The following ZNRF3 variants were observed in gnomAD, a reference collection of about 807,000 sequenced individuals.
ZNRF3 encodes zinc and ring finger 3, also known as E3 ubiquitin-protein ligase ZNRF3.
ZNRF3 carries 23 observed loss-of-function variants against 72.5 expected under a neutral mutation model. The observed-to-expected ratio is 0.32, with a 90% CI of 0.23 to 0.45. The LOEUF (loss-of-function observed/expected upper bound fraction) is 0.45, where lower values mean the gene tolerates loss of function less well. Among genes scored for constraint, ZNRF3 ranks in the 20% least tolerant of loss-of-function variants. The pLI is 1.00. For missense variants in ZNRF3, 1,169 were observed against 1,272.1 expected (o/e 0.92, Z 1.23); for synonymous variants, 610 against 545.3 (o/e 1.12, Z -1.65).
At chr22:29,029,863 T>G (rs2123869643) in intron 2 of ZNRF3, among the ~76,000 whole-genome samples, 1 of 152,306 alleles carries the variant, frequency 6.6e-6, no homozygotes, top group South Asian at 2.1e-4. Flanking sequence ...GCACTGTTGT[T>G]CCTCGTTAAG....
intron 1 of ZNRF3, among the ~76,000 whole-genome samples, chr22:28,963,909 A>G (rs548071953): frequency 1.6e-4 from 25 of 152,328 alleles, no homozygotes; most frequent in African/African-American, 5.5e-4. Flanking sequence ...AGCTTAGCAC[A>G]GTACCCAGCA....
At chr22:28,914,891 A>G (rs1318004077) in intron 1 of ZNRF3, among the ~76,000 whole-genome samples, 1 of 151,800 alleles carries the variant, frequency 6.6e-6, no homozygotes, top group Non-Finnish European at 1.5e-5. Flanking sequence ...AGCCTGGGAC[A>G]TTCAGCCTTT....
At chr22:28,989,005 G>C (rs936667770) in intron 2 of ZNRF3, among the ~76,000 whole-genome samples, 1 of 152,144 alleles carries the variant, frequency 6.6e-6, no homozygotes, top group African/African-American at 2.4e-5. Context: ...GGAGAGTTTT[G>C]TATGATTTGG....
At chr22:28,999,513 G>A (rs575837129) in intron 2 of ZNRF3, among the ~76,000 whole-genome samples, 19 of 152,252 alleles carry the variant, frequency 1.2e-4, no homozygotes, top group Admixed American at 7.2e-4. Flanking sequence ...CCTTTGAGAG[G>A]CCATTTTGAA....
Position 28,883,830 on chromosome 22 carries a change from C to T in ZNRF3, c.64C>T (p.Arg22Cys). The T allele has an allele frequency of 1.0e-6, 1 of 978,576 alleles. No individual in the cohort carries two copies. Among genetic ancestry groups the T allele is most frequent in the Non-Finnish European group, 1.2e-6 (1 of 827,192 alleles). The allele number at this position is 978,576 out of a possible 1,614,324, so 60.6% of individuals were successfully genotyped here. A position where few individuals can be genotyped will look rare whatever the true frequency, so the allele number is the denominator to read the frequency against. ...CCGCCGCCGCCGCCGCCTGCGCCGC[C>T]GCCCCCGCGGCCTCCGGTGCAGCCG... The part of the protein sequence containing the change: ...TGRRRRRLRR[R>C]PRGLRCSRLP... Residue 22 changes from arginine to cysteine, a missense_variant, in exon 1 of 9, where the codon CGC becomes TGC. Physicochemically the swap from Arg to Cys is radical, Grantham distance 180. Coordinates refer to ENST00000544604, the MANE Select transcript of ZNRF3 (RefSeq NM_001206998.2). The surrounding 1 kb of genome is among the most constrained non-coding windows in gnomAD (Gnocchi z 5.5).
chr22:28,917,292 C>CG, intron 1 of ZNRF3: 4 of 255,506 alleles, frequency 1.6e-5, no homozygotes, highest in Non-Finnish European at 2.4e-5. Context: ...CACACACACA[C>CG]ACACACACAC....
intron 2 of ZNRF3, among the ~76,000 whole-genome samples, chr22:29,032,056 G>C (rs925461830): frequency 5.3e-5 from 8 of 152,234 alleles, no homozygotes; most frequent in African/African-American, 1.9e-4. Context: ...GCACCAGGTG[G>C]GGAAAGCAGC....
chr22:29,020,273 T>TTTC lies in ZNRF3; in HGVS notation c.427-22222_427-22221insTTC, dbSNP rs1555984949. 6.9e-3 allele frequency among the ~76,000 whole-genome samples: 920 copies of TTTC among 133,164 alleles called. 3 individuals are homozygous for TTTC. The highest frequency in any genetic ancestry group is 0.012 in the Non-Finnish European group (756 of 63,386). The allele number at this position is 133,164 out of a possible 152,430, so 87.4% of individuals were successfully genotyped here. On this transcript the variant is annotated intron_variant, in intron 2 of 8. Transcript: ENST00000544604. ...CCTTTTTTTTTTTTTTTTTTTTTTT[T>TTTC]CCCCCAAGACAGAGTTTTGCTTTGT...
At chr22:28,943,609 A>G (rs931118272) in intron 1 of ZNRF3, among the ~76,000 whole-genome samples, 1 of 151,926 alleles carries the variant, frequency 6.6e-6, no homozygotes, top group Non-Finnish European at 1.5e-5. Context: ...TTTGAAGTAG[A>G]TGCTGTGGTG....
chr22:28,990,022 C>G (rs1392675047), intron 2 of ZNRF3, among the ~76,000 whole-genome samples: 1 of 152,254 alleles, frequency 6.6e-6, no homozygotes, highest in Non-Finnish European at 1.5e-5. Context: ...CCCTCCTTCT[C>G]TTCTTTTCCA....
At chr22:28,906,834 G>A (rs529346591) in intron 1 of ZNRF3, among the ~76,000 whole-genome samples, 4 of 152,106 alleles carry the variant, frequency 2.6e-5, no homozygotes, top group Non-Finnish European at 5.9e-5. Context: ...CTTACCCTGC[G>A]CTGGCAGAGC....
At position 28,887,235 on chromosome 22, in the gene ZNRF3, AGTGTGTGTGT is replaced by A. The variant is rs1179478685; in HGVS notation, c.300+3196_300+3205del. 1.1e-4 allele frequency among the ~76,000 whole-genome samples: 10 copies of A among 93,170 alleles called. No individual in the cohort carries two copies. The East Asian group carries it at 2.5e-3, about 24-fold the overall frequency. The allele number at this position is 93,170 out of a possible 152,430, so 61.1% of individuals were successfully genotyped here. On this transcript the variant is annotated intron_variant, in intron 1 of 8. Coordinates refer to ENST00000544604, the MANE Select transcript of ZNRF3 (RefSeq NM_001206998.2). Reference sequence around the variant, plus strand: ...TATGCCAACGAAGAGAGAGAGAGAGAGTGTGTGTGTGTGTGTGTGTGTGTGTGTGTGTGTG... The same window carrying A: ...TATGCCAACGAAGAGAGAGAGAGAGAGTGTGTGTGTGTGTGTGTGTGTGTG...
At chr22:29,028,992 T>C (rs775917474) in intron 2 of ZNRF3, among the ~76,000 whole-genome samples, 10 of 152,162 alleles carry the variant, frequency 6.6e-5, no homozygotes, top group Non-Finnish European at 1.2e-4. Flanking sequence ...AGACCTCTCT[T>C]CTAGGACCAT....
At chr22:29,000,125 G>A (rs190805234) in intron 2 of ZNRF3, among the ~76,000 whole-genome samples, 7 of 152,144 alleles carry the variant, frequency 4.6e-5, no homozygotes, top group African/African-American at 1.7e-4. Flanking sequence ...CAATTCCTTT[G>A]GGGGTACTGA....
intron 2 of ZNRF3, 78 bp from the exon 3 acceptor site, chr22:29,042,417 C>A: frequency 1.7e-6 from 2 of 1,202,000 alleles, no homozygotes; most frequent in Non-Finnish European, 2.4e-6. Flanking sequence ...CATTTGATTA[C>A]AGGCCTGATT....
At chr22:28,949,835 G>A (rs941856583) in intron 1 of ZNRF3, among the ~76,000 whole-genome samples, 8 of 152,088 alleles carry the variant, frequency 5.3e-5, no homozygotes, top group Admixed American at 1.3e-4. Context: ...ATGGTGTTCC[G>A]TGAAAAAAGT....
Position 28,975,620 on chromosome 22 carries a change from C to T in ZNRF3, c.301-11456C>T, listed in dbSNP as rs573854326. On this transcript the variant is annotated intron_variant, in intron 1 of 8. Coordinates refer to ENST00000544604, the MANE Select transcript of ZNRF3 (RefSeq NM_001206998.2). ...GACATGGTGGCGGGCGCCTGTAATC[C>T]GAGCTCCTTGGGAGGCTGAGGCAGG... 9.2e-5 allele frequency among the ~76,000 whole-genome samples: 14 copies of T among 151,986 alleles called. No homozygotes were observed. In the South Asian group the frequency reaches 2.3e-3, roughly 25 times the overall value.
At chr22:28,951,008 G>A (rs2035150959) in intron 1 of ZNRF3, among the ~76,000 whole-genome samples, 1 of 152,096 alleles carries the variant, frequency 6.6e-6, no homozygotes, top group African/African-American at 2.4e-5. Context: ...CCCCTGTGAT[G>A]GCACCTTGCC....
chr22:28,902,892 G>T (rs1340767820), intron 1 of ZNRF3, among the ~76,000 whole-genome samples: 1 of 152,160 alleles, frequency 6.6e-6, no homozygotes, highest in Non-Finnish European at 1.5e-5. Context: ...CCAAGTGGTT[G>T]CAAATTCTTA....
Sources: gnomAD v4.1 joint callset for allele counts (sites outside exome capture counted in the v4.1 genomes callset) on GRCh38, gnomAD v4.1.1 for gene constraint, Gnocchi (gnomAD v3.1) non-coding constraint, MANE v1.5 for transcripts, NCBI Gene and HGNC (gene_info 2026-07-23, HGNC 2026-07-21) for gene names.